KCNG3: variants seen among roughly 807,000 people sequenced by gnomAD.
KCNG3 encodes potassium voltage-gated channel modifier subfamily G member 3.
A neutral mutation model predicts 29.0 loss-of-function variants in KCNG3; 15 were observed. That is an observed-to-expected ratio of 0.52 (90% CI 0.35 to 0.80). KCNG3 has a LOEUF of 0.80. Among genes scored for constraint, KCNG3 ranks in the 30% least tolerant of loss-of-function variants. KCNG3 has a pLI of 0.01. For synonymous variants in KCNG3, 322 were observed against 248.9 expected, an observed-to-expected ratio of 1.29 and a Z score of -2.76; for missense variants, 512 against 605.7, an observed-to-expected ratio of 0.85 and a Z score of 1.62.
chr2:42,404,002 G>GT, the KCNG3 span, among the ~76,000 whole-genome samples: 2 of 152,286 alleles, frequency 1.3e-5, no homozygotes, highest in African/African-American at 2.4e-5. Context: ...AATAAGCTAA[G>GT]TAACTGTTTC....
intron 1 of KCNG3, among the ~76,000 whole-genome samples, chr2:42,486,827 A>G (rs941114575): frequency 6.6e-6 from 1 of 152,192 alleles, no homozygotes; most frequent in African/African-American, 2.4e-5. Context: ...AGCGCCTGGC[A>G]CAATCACAGG....
chr2:42,411,544 G>A, the KCNG3 span, among the ~76,000 whole-genome samples: 10 of 152,040 alleles, frequency 6.6e-5, no homozygotes, highest in Non-Finnish European at 1.2e-4. Context: ...GTGCAGTAGC[G>A]TGATCTCAGC....
At position 42,456,916 on chromosome 2, in the gene KCNG3, G is replaced by A. The variant is rs553013265; in HGVS notation, c.666-12337C>T. On this transcript the variant is annotated intron_variant, in intron 1 of 1. Transcript: ENST00000306078. ...ATAAGAGTTTTCTCCACAACAATTG[G>A]TTAAATAGGAAAAAAGTAGGGTTTT... 5.2e-4 allele frequency among the ~76,000 whole-genome samples: 79 copies of A among 151,988 alleles called. No individual in the cohort carries two copies. In the Middle Eastern group the frequency reaches 0.034, roughly 65 times the overall value.
In KCNG3 at chr2:42,444,801, C is replaced by T. The variant is rs1039066258; in HGVS notation, c.666-222G>A. On this transcript the variant is annotated intron_variant, in intron 1 of 1. Coordinates refer to ENST00000306078, the MANE Select transcript of KCNG3 (RefSeq NM_133329.6). The surrounding 1 kb of genome is among the most constrained non-coding windows in gnomAD (Gnocchi z 5.8). ...TTGAGACCAGGTGCAGTGGCTCATG[C>T]ATGTAATCCCAGGTCTTTGGAAGGC... is the stretch of plus-strand genomic sequence containing the variant. Among the ~76,000 whole-genome samples the T allele has an allele frequency of 2.0e-5, 3 of 151,962 alleles. No homozygotes were observed. Among genetic ancestry groups the T allele is most frequent in the Non-Finnish European group, 4.4e-5 (3 of 67,982 alleles).
chr2:42,493,477 CCG>C lies in KCNG3; in HGVS notation c.23_24del (p.Ala8GlyfsTer167). The C allele has an allele frequency of 7.0e-7, 1 of 1,427,652 alleles. No homozygotes were observed. The highest frequency in any genetic ancestry group is 9.1e-7 in the Non-Finnish European group (1 of 1,098,644). 88.4% of individuals were successfully genotyped at this position (1,427,652 alleles called of 1,614,324 possible). On this transcript the variant is annotated frameshift_variant, in exon 1 of 2. Coordinates refer to ENST00000306078, the MANE Select transcript of KCNG3 (RefSeq NM_133329.6). LOFTEE classifies it high-confidence loss of function. ...CCGCCCACGTTCAGCACCACCGAGG[CCG>C]CCCCGCTGCGCCCGAAGGTCATGGC... MTFGRSG[A>X]ASVVLNVGGA...
intron 1 of KCNG3, among the ~76,000 whole-genome samples, chr2:42,473,240 G>A (rs889853319): frequency 1.3e-5 from 2 of 151,924 alleles, no homozygotes; most frequent in Admixed American, 6.6e-5. Flanking sequence ...TGGGTAGTGG[G>A]TAAACAGGTA....
At chr2:42,457,663 ACACAC>A (rs1483709126) in intron 1 of KCNG3, among the ~76,000 whole-genome samples, 7 of 149,422 alleles carry the variant, frequency 4.7e-5, no homozygotes, top group Non-Finnish European at 8.9e-5. Flanking sequence ...ACACACACAC[ACACAC>A]AAGGCTGGGC....
At chr2:42,462,792 T>C (rs951706705) in intron 1 of KCNG3, among the ~76,000 whole-genome samples, 4 of 152,344 alleles carry the variant, frequency 2.6e-5, no homozygotes, top group Admixed American at 1.3e-4. Flanking sequence ...CAAGGTTCAA[T>C]TATCAGGAAG....
chr2:42,491,876 ATCT>A (rs1673886502), intron 1 of KCNG3, among the ~76,000 whole-genome samples: 2 of 152,310 alleles, frequency 1.3e-5, no homozygotes, highest in Admixed American at 6.5e-5. Context: ...TGGAAGGAGG[ATCT>A]TAAGACAGTG....
At chr2:42,450,379 A>T (rs1230450425) in intron 1 of KCNG3, among the ~76,000 whole-genome samples, 1 of 152,214 alleles carries the variant, frequency 6.6e-6, no homozygotes, top group African/African-American at 2.4e-5. Flanking sequence ...CTAGCAACAA[A>T]CACCACCAAG....
In KCNG3 at chr2:42,443,753, C is replaced by T. The variant is rs1672538251; in HGVS notation, c.*181G>A. 1.8e-6 allele frequency: 1 copy of T among 552,638 alleles called. No individual in the cohort carries two copies. The highest frequency in any genetic ancestry group is 3.1e-6 in the Non-Finnish European group (1 of 322,422). 34.2% of individuals were successfully genotyped at this position (552,638 alleles called of 1,614,324 possible). On this transcript the variant is annotated 3_prime_UTR_variant, in exon 2 of 2. Coordinates refer to ENST00000306078, the MANE Select transcript of KCNG3 (RefSeq NM_133329.6). The stretch of plus-strand genomic sequence containing the variant: ...GGAGTCATTATTCTTCCTTTGCAGT[C>T]TCAATTCTATTTACTCCATAACAAG...
At chr2:42,390,092 C>T in the KCNG3 span, among the ~76,000 whole-genome samples, 4 of 152,190 alleles carry the variant, frequency 2.6e-5, no homozygotes, top group African/African-American at 4.8e-5. Flanking sequence ...ATGTGTGTTC[C>T]TACTGCATCT....
chr2:42,419,261 A>T, the KCNG3 span, among the ~76,000 whole-genome samples: 11 of 65,198 alleles, frequency 1.7e-4, no homozygotes, highest in Admixed American at 2.5e-3. Flanking sequence ...TTTGAGATAG[A>T]GTCTCACTCT....
chr2:42,435,494 A>T, the KCNG3 span, among the ~76,000 whole-genome samples: 1 of 152,200 alleles, frequency 6.6e-6, no homozygotes, highest in African/African-American at 2.4e-5. Flanking sequence ...CAACCCTCAG[A>T]ATAAGAGAAA....
At chr2:42,478,183 G>A (rs1308732417) in intron 1 of KCNG3, among the ~76,000 whole-genome samples, 7 of 152,110 alleles carry the variant, frequency 4.6e-5, no homozygotes, top group Non-Finnish European at 8.8e-5. Context: ...AGGATCTAAA[G>A]GAGCTTTTGT....
intron 1 of KCNG3, among the ~76,000 whole-genome samples, chr2:42,490,123 T>G (rs1479250032): frequency 2.0e-5 from 3 of 152,234 alleles, no homozygotes; most frequent in Non-Finnish European, 4.4e-5. Context: ...ATCTGCTCTC[T>G]ATCCACCTCT....
Position 42,444,155 on chromosome 2 carries a change from A to G in KCNG3, c.1090T>C (p.Cys364Arg). 1.9e-6 allele frequency: 3 copies of G among 1,614,226 alleles called. No individual in the cohort carries two copies. Among genetic ancestry groups the G allele is most frequent in the Non-Finnish European group, 1.7e-6 (2 of 1,180,030 alleles). Reference sequence around the variant, plus strand: ...GTCATAGAGATAATCACCCACCAGCAGGCAGCAGGAATGCTGGTAAAGTCC... The same window carrying G: ...GTCATAGAGATAATCACCCACCAGCGGGCAGCAGGAATGCTGGTAAAGTCC... Reference protein sequence around the residue: ...NKDFTSIPAACWWVIISMTTV... With the variant: ...NKDFTSIPAARWWVIISMTTV... The change falls in exon 2 of 2, where the codon TGC becomes CGC. Residue 364 changes from cysteine to arginine, a missense_variant. Coordinates refer to ENST00000306078, the MANE Select transcript of KCNG3 (RefSeq NM_133329.6). This position sits in a 1 kb window ranked among gnomAD's most constrained non-coding sequence, Gnocchi z 5.8.
At chr2:42,415,184 G>C in the KCNG3 span, among the ~76,000 whole-genome samples, 1 of 152,136 alleles carries the variant, frequency 6.6e-6, no homozygotes, top group African/African-American at 2.4e-5. Context: ...TCTGAGCTGG[G>C]CCCCACATTA....
At chr2:42,440,068 A>C (rs1672440705), downstream of KCNG3, among the ~76,000 whole-genome samples, 1 of 152,218 alleles carries the variant, frequency 6.6e-6, no homozygotes, top group South Asian at 2.1e-4. Context: ...CTGACACTAG[A>C]GTGACCATGG....
Sources: gnomAD v4.1 joint callset for allele counts (sites outside exome capture counted in the v4.1 genomes callset) on GRCh38, gnomAD v4.1.1 for gene constraint, Gnocchi (gnomAD v3.1) non-coding constraint, MANE v1.5 for transcripts, NCBI Gene and HGNC (gene_info 2026-07-23, HGNC 2026-07-21) for gene names.